TRAPPC9: variants seen among roughly 807,000 people sequenced by gnomAD.
The protein encoded by TRAPPC9 is IKK2 binding protein.
Under a neutral mutation model 124.0 loss-of-function variants are expected in TRAPPC9, and 83 were observed. The observed-to-expected ratio is 0.67, with a 90% CI of 0.56 to 0.80. TRAPPC9 has a LOEUF of 0.80. TRAPPC9 is among the 30% of genes least tolerant of loss of function. The pLI, the probability that TRAPPC9 is intolerant of heterozygous loss-of-function variation, is 0.00. For synonymous variants in TRAPPC9, 638 were observed against 617.5 expected (o/e 1.03, Z -0.49); for missense variants, 1,302 against 1,508.3 (o/e 0.86, Z 2.27).
intron 20 of TRAPPC9, among the ~76,000 whole-genome samples, chr8:139,887,010 G>A (rs532671064): frequency 2.6e-5 from 4 of 152,182 alleles, no homozygotes; most frequent in African/African-American, 9.6e-5. Context: ...TGGGGGAGTC[G>A]GGCTCAGAGG....
At chr8:139,893,111 G>T (rs1046137473) in intron 20 of TRAPPC9, among the ~76,000 whole-genome samples, 1 of 152,226 alleles carries the variant, frequency 6.6e-6, no homozygotes, top group Admixed American at 6.5e-5. Flanking sequence ...AAGACGTGCC[G>T]TGTTTCTCGT....
rs914319790 is a variant in TRAPPC9, at chr8:140,337,824, G to A, written c.1495+22226C>T. Among the ~76,000 whole-genome samples, 3 of 151,866 alleles carry A rather than the reference G, an allele frequency of 2.0e-5. No individual in the cohort carries two copies. In the East Asian group the frequency reaches 5.8e-4, roughly 29 times the overall value. ...TGCGAGATGAACCCTCAGGCCCTCAGGGCTGTGCACAAACAGCCAAGCAAG... is the reference window on the plus strand; with the variant it reads ...TGCGAGATGAACCCTCAGGCCCTCAAGGCTGTGCACAAACAGCCAAGCAAG... On this transcript the variant is annotated intron_variant, in intron 9 of 22. Coordinates refer to ENST00000438773, the MANE Select transcript of TRAPPC9 (RefSeq NM_001160372.4).
chr8:140,032,643 G>A (rs1408731278), intron 17 of TRAPPC9, among the ~76,000 whole-genome samples: 1 of 152,042 alleles, frequency 6.6e-6, no homozygotes, highest in Non-Finnish European at 1.5e-5. Flanking sequence ...CCTAAAAATT[G>A]GATTCATAGT....
rs547034181 is a variant in TRAPPC9 at position 139,735,607 on chromosome 8, C to T, written c.3056-3405G>A. On this transcript the variant is annotated intron_variant, in intron 21 of 22. Coordinates refer to ENST00000438773, the MANE Select transcript of TRAPPC9 (RefSeq NM_001160372.4). ...TGCTGGTTCCATTAAGGGAAAGATA[C>T]GATTATGTGCAAATCAGTGAAGGGT... 4.6e-5 allele frequency among the ~76,000 whole-genome samples: 7 copies of T among 152,166 alleles called. No homozygotes were observed. In the East Asian group the frequency reaches 1.2e-3, roughly 25 times the overall value.
intron 9 of TRAPPC9, among the ~76,000 whole-genome samples, chr8:140,315,182 T>C (rs1255787477): frequency 6.6e-6 from 1 of 151,868 alleles, no homozygotes; most frequent in Non-Finnish European, 1.5e-5. Flanking sequence ...ATTTCCCTGA[T>C]GATTAGTGAT....
intron 17 of TRAPPC9, among the ~76,000 whole-genome samples, chr8:140,112,712 A>C (rs1383087684): frequency 2.0e-5 from 3 of 152,180 alleles, no homozygotes; most frequent in Admixed American, 1.3e-4. Flanking sequence ...TCACAGGTGG[A>C]GACATTCTGC....
chr8:140,339,261 G>A (rs1224655035), intron 9 of TRAPPC9, among the ~76,000 whole-genome samples: 1 of 152,254 alleles, frequency 6.6e-6, no homozygotes, highest in Non-Finnish European at 1.5e-5. Context: ...CTGCATTTCA[G>A]ATCTCTGGCC....
intron 19 of TRAPPC9, among the ~76,000 whole-genome samples, chr8:139,959,640 G>A (rs1050026997): frequency 7.9e-5 from 12 of 152,294 alleles, no homozygotes; most frequent in South Asian, 6.2e-4. Flanking sequence ...ACAAATGGAA[G>A]CAGAACAAAA....
chr8:139,894,610 C>T (rs901598951), intron 20 of TRAPPC9, among the ~76,000 whole-genome samples: 11 of 152,190 alleles, frequency 7.2e-5, no homozygotes, highest in African/African-American at 2.7e-4. Flanking sequence ...CAGAACAGAG[C>T]AACTTCCTCT....
chr8:139,766,138 C>T (rs1820570207), intron 21 of TRAPPC9, among the ~76,000 whole-genome samples: 1 of 152,246 alleles, frequency 6.6e-6, no homozygotes, highest in African/African-American at 2.4e-5. Flanking sequence ...TGGCCCCAAA[C>T]ACTAGGGCGC....
intron 21 of TRAPPC9, among the ~76,000 whole-genome samples, chr8:139,865,755 A>C (rs1055243198): frequency 4.0e-4 from 61 of 152,288 alleles, no homozygotes; most frequent in Middle Eastern, 3.4e-3. Flanking sequence ...TCCGCACAGC[A>C]GAGCTGCCCC....
rs139921141 is a variant in TRAPPC9, at chr8:140,295,815, A to G, written c.1768+4654T>C. Among the ~76,000 whole-genome samples, 31 of 152,366 alleles carry G rather than the reference A, an allele frequency of 2.0e-4. No homozygotes were observed. In the East Asian group the frequency reaches 2.9e-3, roughly 14 times the overall value. ...TATGTGATCTGTCAAGCTTCTGCACAAGCACTCACTGATCAGTACACTGCC... is the reference window on the plus strand; with the variant it reads ...TATGTGATCTGTCAAGCTTCTGCACGAGCACTCACTGATCAGTACACTGCC... On this transcript the variant is annotated intron_variant, in intron 11 of 22. Transcript: ENST00000438773.
chr8:140,327,334 G>A lies in TRAPPC9; in HGVS notation c.1496-15960C>T, dbSNP rs142615938. Among the ~76,000 whole-genome samples, 8 of 152,292 alleles carry A rather than the reference G, an allele frequency of 5.3e-5. No homozygotes were observed. The East Asian group carries it at 1.5e-3, about 29-fold the overall frequency. On this transcript the variant is annotated intron_variant, in intron 9 of 22. Coordinates refer to ENST00000438773, the MANE Select transcript of TRAPPC9 (RefSeq NM_001160372.4). ...GAATGTAAAATAGTACATCTGCTGT[G>A]CCAAACAGTTTGGCAGTTCCTCAAA...
chr8:139,794,088 C>A (rs1030846458), intron 21 of TRAPPC9, among the ~76,000 whole-genome samples: 2 of 152,108 alleles, frequency 1.3e-5, no homozygotes, highest in African/African-American at 4.8e-5. Flanking sequence ...TCCTGTCCCC[C>A]ACCCTGCTCT....
At chr8:140,319,311 G>GGTAA (rs1420039717) in intron 9 of TRAPPC9, among the ~76,000 whole-genome samples, 1 of 151,088 alleles carries the variant, frequency 6.6e-6, no homozygotes, top group Non-Finnish European at 1.5e-5. Context: ...GAGTAGCTGG[G>GGTAA]ACTACGGGCA....
chr8:139,749,094 C>T (rs752588350), intron 21 of TRAPPC9, among the ~76,000 whole-genome samples: 7 of 152,294 alleles, frequency 4.6e-5, no homozygotes, highest in South Asian at 4.1e-4. Flanking sequence ...TGTCTGATCA[C>T]GTCCCCTGTG....
intron 21 of TRAPPC9, among the ~76,000 whole-genome samples, chr8:139,875,143 G>A (rs1323768065): frequency 2.6e-5 from 4 of 152,286 alleles, no homozygotes; most frequent in Non-Finnish European, 4.4e-5. Context: ...GAGGAGTGAA[G>A]GTAGACAGGA....
At chr8:139,987,215 T>C (rs1020898973) in intron 19 of TRAPPC9, among the ~76,000 whole-genome samples, 1 of 152,256 alleles carries the variant, frequency 6.6e-6, no homozygotes, top group Non-Finnish European at 1.5e-5. Flanking sequence ...GAACGTTGTA[T>C]AGGTCTTCTT....
At chr8:139,999,592 T>G (rs73725373) in intron 18 of TRAPPC9, among the ~76,000 whole-genome samples, 16,994 of 151,628 alleles carry the variant, frequency 0.11, 1,944 homozygotes, top group African/African-American at 0.3. Flanking sequence ...TAGTGAACAC[T>G]CCACCCACCA....
Sources: gnomAD v4.1 joint callset for allele counts (sites outside exome capture counted in the v4.1 genomes callset) on GRCh38, gnomAD v4.1.1 for gene constraint, MANE v1.5 for transcripts, NCBI Gene and HGNC (gene_info 2026-07-23, HGNC 2026-07-21) for gene names.